Variants in NCOR2 observed in about 807,000 individuals in gnomAD.
NCOR2 encodes CTG repeat protein 26.
Under a neutral mutation model 262.9 loss-of-function variants are expected in NCOR2, and 81 were observed. That is an observed-to-expected ratio of 0.31 (90% confidence interval 0.26 to 0.37). The LOEUF (loss-of-function observed/expected upper bound fraction) is 0.37, where lower values mean the gene tolerates loss of function less well. Among genes scored for constraint, NCOR2 ranks in the 10% least tolerant of loss-of-function variants. The pLI, the probability that NCOR2 is intolerant of heterozygous loss-of-function variation, is 1.00. For missense variants in NCOR2, 3,385 were observed against 3,621.4 expected, an observed-to-expected ratio of 0.93 and a Z score of 1.68; for synonymous variants, 1,659 against 1,559.3, an observed-to-expected ratio of 1.06 and a Z score of -1.51.
intron 20 of NCOR2, among the ~76,000 whole-genome samples, chr12:124,367,241 C>T (rs1399238226): frequency 6.6e-6 from 1 of 152,136 alleles, no homozygotes; most frequent in African/African-American, 2.4e-5. Flanking sequence ...GCAGGGGCTG[C>T]TGCCCAGAAG....
chr12:124,544,269 C>A (rs1378284204), intron 1 of NCOR2, among the ~76,000 whole-genome samples: 2 of 152,222 alleles, frequency 1.3e-5, no homozygotes, highest in Non-Finnish European at 2.9e-5. Context: ...TTTAGCCCCA[C>A]AGATAGGCAG....
In NCOR2 at chr12:124,478,448, G is replaced by A. The variant is rs2047224840; in HGVS notation, c.411+5148C>T. ...GCCACAAAACTCCGGAGGCTGAAGA[G>A]CAGAGAAGCATCAGAAAACAGGAAC... On this transcript the variant is annotated intron_variant, in intron 3 of 46. Coordinates refer to ENST00000405201, the Ensembl canonical transcript of NCOR2. Among the ~76,000 whole-genome samples, 3 of 152,184 alleles carry A rather than the reference G, an allele frequency of 2.0e-5. No individual in the cohort carries two copies. The South Asian group carries it at 6.2e-4, about 31-fold the overall frequency.
At chr12:124,347,760 C>T in intron 30 of NCOR2, 65 bp downstream of exon 32, 1 of 1,504,112 alleles carries the variant, frequency 6.6e-7, no homozygotes, top group Non-Finnish European at 9.0e-7. Flanking sequence ...GTGTCTCTCC[C>T]TCCCGCGCCC....
chr12:124,519,455 G>A (rs533336471), intron 1 of NCOR2, among the ~76,000 whole-genome samples: 33 of 152,290 alleles, frequency 2.2e-4, no homozygotes, highest in African/African-American at 7.9e-4. Context: ...GCAGATGTGA[G>A]GAAGGCACCC....
intron 6 of NCOR2, among the ~76,000 whole-genome samples, chr12:124,453,295 G>A (rs1428152480): frequency 6.6e-6 from 1 of 152,170 alleles, no homozygotes; most frequent in African/African-American, 2.4e-5. Flanking sequence ...TCACCCCCAG[G>A]CCTTATCCTC....
intron 16 of NCOR2, among the ~76,000 whole-genome samples, chr12:124,396,729 C>T (rs899344788): frequency 1.3e-4 from 19 of 151,838 alleles, no homozygotes; most frequent in African/African-American, 3.6e-4. Flanking sequence ...GGCAGGGTCC[C>T]GGGGTGAGGG....
chr12:124,429,569 G>A (rs922540762), intron 10 of NCOR2, 44 bp downstream of exon 12: 2 of 1,549,860 alleles, frequency 1.3e-6, no homozygotes, highest in African/African-American at 2.7e-5. Flanking sequence ...CACGGGGGAT[G>A]CCAGGGAAAA....
intron 43 of NCOR2, 98 bp from the exon 46 acceptor site, chr12:124,330,996 C>G (rs984508718): frequency 4.6e-6 from 6 of 1,295,900 alleles, no homozygotes; most frequent in Non-Finnish European, 6.5e-6. Flanking sequence ...CTGGCATCAC[C>G]TGGGGAAACT....
intron 4 of NCOR2, among the ~76,000 whole-genome samples, chr12:124,469,230 A>G (rs2046704500): frequency 6.6e-6 from 1 of 152,174 alleles, no homozygotes; most frequent in Non-Finnish European, 1.5e-5. Flanking sequence ...ACGCTCGCAC[A>G]GCCTGCACAT....
At chr12:124,554,570 G>T (rs959512705) in intron 1 of NCOR2, among the ~76,000 whole-genome samples, 3 of 152,228 alleles carry the variant, frequency 2.0e-5, no homozygotes, top group African/African-American at 7.2e-5. Flanking sequence ...ACTCCTTACA[G>T]CACCGCGAGC....
chr12:124,330,021 T>C (rs536295363), intron 44 of NCOR2, among the ~76,000 whole-genome samples: 1 of 152,170 alleles, frequency 6.6e-6, no homozygotes, highest in Non-Finnish European at 1.5e-5. Flanking sequence ...CCCCTGATAA[T>C]ATCTGAACGA....
At chr12:124,390,590 G>C (rs1373298630) in intron 16 of NCOR2, among the ~76,000 whole-genome samples, 3 of 152,050 alleles carry the variant, frequency 2.0e-5, no homozygotes, top group African/African-American at 7.2e-5. Flanking sequence ...GGGGCCTGCT[G>C]AGCACCCTGG....
chr12:124,485,035 G>T (rs2047702201), intron 2 of NCOR2, among the ~76,000 whole-genome samples: 1 of 152,224 alleles, frequency 6.6e-6, no homozygotes, highest in Admixed American at 6.5e-5. Flanking sequence ...CCAAAGCTGG[G>T]CCCCAAGACA....
intron 25 of NCOR2, 118 bp downstream of exon 27, chr12:124,354,719 A>G: frequency 7.9e-7 from 1 of 1,272,836 alleles, no homozygotes; most frequent in Non-Finnish European, 1.1e-6. Flanking sequence ...CTGAGGGGGG[A>G]CCTCCCAGCT....
At chr12:124,537,707 C>T (rs1173461292), upstream of NCOR2, 4 of 152,324 alleles carry the variant, frequency 2.6e-5, no homozygotes, top group Non-Finnish European at 5.9e-5. Context: ...TACCCCCACC[C>T]AGGGGCTGGC....
Position 124,432,057 on chromosome 12 carries a change from A to G in NCOR2, c.883-1270T>C, listed in dbSNP as rs976191614. ...GTCCATCACACAGGCAGGCAGGCAG[A>G]CACACAGGCGGTCACACAGGCAGGC... On this transcript the variant is annotated intron_variant, in intron 8 of 46. Coordinates refer to ENST00000405201, the Ensembl canonical transcript of NCOR2. The surrounding 1 kb of genome is among the most constrained non-coding windows in gnomAD (Gnocchi z 5.1). 2.0e-5 allele frequency among the ~76,000 whole-genome samples: 3 copies of G among 151,910 alleles called. No individual in the cohort carries two copies. The South Asian group carries it at 6.3e-4, about 32-fold the overall frequency.
intron 7 of NCOR2, among the ~76,000 whole-genome samples, chr12:124,447,435 A>G (rs1276646451): frequency 6.6e-6 from 1 of 152,244 alleles, no homozygotes; most frequent in Non-Finnish European, 1.5e-5. Flanking sequence ...TGTCATCTAT[A>G]TGAGCATCTT....
At chr12:124,334,722 GC>G in intron 40 of NCOR2, 105 bp from the exon 43 acceptor site, 1 of 630,560 alleles carries the variant, frequency 1.6e-6, no homozygotes, top group Non-Finnish European at 2.6e-6. Context: ...CCTGGGTGGG[GC>G]CAGCTTCCTG....
At chr12:124,372,129 G>A (rs751416723) in exon 20 of NCOR2, 18 of 1,601,532 alleles carry the variant, frequency 1.1e-5, no homozygotes, top group Middle Eastern at 1.6e-4. Context: ...TGGCCCTGCC[G>A]CTCCCGCCCT....
Sources: gnomAD v4.1 joint callset for allele counts (sites outside exome capture counted in the v4.1 genomes callset) on GRCh38, gnomAD v4.1.1 for gene constraint, Gnocchi (gnomAD v3.1) non-coding constraint, MANE v1.5 for transcripts, NCBI Gene and HGNC (gene_info 2026-07-23, HGNC 2026-07-21) for gene names.